Variants in HHIP observed in about 807,000 individuals in gnomAD.
HHIP encodes hedgehog interacting protein, also known as hedgehog-interacting protein.
In HHIP, 12 loss-of-function variants were observed where a neutral mutation model predicts 74.0. That is an observed-to-expected ratio of 0.16 (90% confidence interval 0.10 to 0.26). The LOEUF (loss-of-function observed/expected upper bound fraction) is 0.26. HHIP is among the 10% of genes least tolerant of loss of function. The pLI is 1.00. For missense variants in HHIP, 788 were observed against 845.0 expected (o/e 0.93, Z 0.84); for synonymous variants, 309 against 311.6 (o/e 0.99, Z 0.09).
chr4:144,701,390 T>C (rs1212502872), intron 4 of HHIP, among the ~76,000 whole-genome samples: 2 of 151,952 alleles, frequency 1.3e-5, no homozygotes, highest in Admixed American at 6.6e-5. Context: ...TTAATCTTTG[T>C]GTCAGAAGTT....
At chr4:144,655,268 A>G (rs1728528466) in intron 2 of HHIP, among the ~76,000 whole-genome samples, 1 of 152,182 alleles carries the variant, frequency 6.6e-6, no homozygotes, top group Non-Finnish European at 1.5e-5. Flanking sequence ...CACTTAGGGA[A>G]GTAAATTCTC....
At chr4:144,714,403 C>T in intron 9 of HHIP, 55 bp downstream of exon 9, 4 of 1,573,270 alleles carry the variant, frequency 2.5e-6, no homozygotes, top group Non-Finnish European at 3.5e-6. Context: ...ATCCATTAAT[C>T]ATTTGGCAAA....
Position 144,670,764 on chromosome 4 carries a change from G to GAAAAAAAAAAAAAAAAAAAAAAAAAA in HHIP, c.831+10950_831+10951insAAAAAAAAAAAAAAAAAAAAAAAAAA, listed in dbSNP as rs1167213848. ...GTGAGTGAAAAGATGCTTAAGATTT[G>GAAAAAAAAAAAAAAAAAAAAAAAAAA]AAAAAAAAAAAAAAAAAAAAAAAAG... On this transcript the variant is annotated intron_variant, in intron 4 of 12. Coordinates refer to ENST00000296575, the MANE Select transcript of HHIP (RefSeq NM_022475.3). 5.5e-5 allele frequency among the ~76,000 whole-genome samples: 3 copies of GAAAAAAAAAAAAAAAAAAAAAAAAAA among 54,888 alleles called. 1 individual carries two copies. The highest frequency in any genetic ancestry group is 1.5e-4 in the African/African-American group (2 of 13,554). 36.0% of individuals were successfully genotyped at this position (54,888 alleles called of 152,430 possible). A position where few individuals can be genotyped will look rare whatever the true frequency, so the allele number is the denominator to read the frequency against.
chr4:144,737,343 G>A (rs1731148192), intron 12 of HHIP, among the ~76,000 whole-genome samples: 1 of 152,146 alleles, frequency 6.6e-6, no homozygotes, highest in Non-Finnish European at 1.5e-5. Flanking sequence ...GGAGTTGCTT[G>A]AGCCTCTGTG....
intron 11 of HHIP, 46 bp downstream of exon 11, chr4:144,719,002 C>A: frequency 2.6e-6 from 3 of 1,170,008 alleles, no homozygotes; most frequent in Non-Finnish European, 3.8e-6. Flanking sequence ...TTTCTTCTTC[C>A]AATTATTTTA....
chr4:144,683,515 A>C (rs888961089), intron 4 of HHIP, among the ~76,000 whole-genome samples: 2 of 152,226 alleles, frequency 1.3e-5, no homozygotes, highest in African/African-American at 4.8e-5. Context: ...ATGTAAATTT[A>C]ATTGCATTTA....
intron 4 of HHIP, among the ~76,000 whole-genome samples, chr4:144,701,998 A>T (rs1730000241): frequency 6.6e-6 from 1 of 152,134 alleles, no homozygotes; most frequent in Non-Finnish European, 1.5e-5. Context: ...TTAAAAAAGA[A>T]AAAATAGGGC....
intron 4 of HHIP, among the ~76,000 whole-genome samples, chr4:144,686,870 C>T (rs1296136827): frequency 6.6e-6 from 1 of 151,838 alleles, no homozygotes; most frequent in African/African-American, 2.4e-5. Flanking sequence ...GCAACAGTCA[C>T]AGAGACAAAT....
intron 4 of HHIP, among the ~76,000 whole-genome samples, chr4:144,686,779 G>A (rs115854946): frequency 2.4e-3 from 362 of 152,336 alleles, no homozygotes; most frequent in Non-Finnish European, 4.1e-3. Context: ...GCCATTTGCT[G>A]GCTCAGCTTA....
chr4:144,731,518 C>A (rs1003098740), intron 11 of HHIP, among the ~76,000 whole-genome samples: 3 of 152,126 alleles, frequency 2.0e-5, no homozygotes, highest in Non-Finnish European at 4.4e-5. Flanking sequence ...CTCCTGGGTT[C>A]CAGCAATTCT....
chr4:144,684,858 C>A (rs1729445694), intron 4 of HHIP, among the ~76,000 whole-genome samples: 1 of 152,094 alleles, frequency 6.6e-6, no homozygotes, highest in Non-Finnish European at 1.5e-5. Context: ...GGATTTCCAC[C>A]ACTAATTGGT....
At chr4:144,737,276 A>T (rs1437052690) in intron 12 of HHIP, among the ~76,000 whole-genome samples, 1 of 152,164 alleles carries the variant, frequency 6.6e-6, no homozygotes, top group Admixed American at 6.5e-5. Context: ...GGGAGTTTAT[A>T]TGGTGGATAT....
intron 10 of HHIP, among the ~76,000 whole-genome samples, chr4:144,717,499 A>G (rs1287303108): frequency 2.0e-5 from 3 of 152,172 alleles, no homozygotes; most frequent in Non-Finnish European, 4.4e-5. Flanking sequence ...AGACTAAAGG[A>G]TTTTTCATGG....
intron 4 of HHIP, among the ~76,000 whole-genome samples, chr4:144,660,725 T>C (rs1347713197): frequency 1.3e-5 from 2 of 152,162 alleles, no homozygotes; most frequent in African/African-American, 4.8e-5. Flanking sequence ...GATATATTCC[T>C]GCTATCTATT....
rs1372675664 is a variant in HHIP at position 144,671,840 on chromosome 4, T to C, written c.831+12002T>C. On this transcript the variant is annotated intron_variant, in intron 4 of 12. Coordinates refer to ENST00000296575, the MANE Select transcript of HHIP (RefSeq NM_022475.3). ...TCTACTAAAAATACAAAAAATTAGC[T>C]GAGTGTGGTGATGGGCACCTGTAAT... Among the ~76,000 whole-genome samples the C allele has an allele frequency of 2.0e-5, 3 of 151,926 alleles. No homozygotes were observed. The East Asian group carries it at 5.8e-4, about 29-fold the overall frequency.
chr4:144,699,875 C>T (rs576824502), intron 4 of HHIP, among the ~76,000 whole-genome samples: 10 of 152,148 alleles, frequency 6.6e-5, no homozygotes, highest in African/African-American at 1.2e-4. Context: ...TATTGAAAAG[C>T]GATGCTTCTT....
intron 7 of HHIP, among the ~76,000 whole-genome samples, chr4:144,710,551 TA>T (rs1339876193): frequency 1.3e-5 from 2 of 152,246 alleles, no homozygotes; most frequent in African/African-American, 4.8e-5. Context: ...TTTTTTATTT[TA>T]TTTTTTAAAT....
intron 1 of HHIP, chr4:144,648,719 G>A (rs1368373740): frequency 6.6e-6 from 1 of 152,188 alleles, no homozygotes; most frequent in Non-Finnish European, 1.5e-5. Flanking sequence ...AACTCTTCCA[G>A]AGACATGTGG....
chr4:144,723,096 A>G (rs541575289), intron 11 of HHIP, among the ~76,000 whole-genome samples: 2 of 152,186 alleles, frequency 1.3e-5, no homozygotes, highest in African/African-American at 4.8e-5. Context: ...ACATTTCCAG[A>G]GTTTATGTTT....
Sources: gnomAD v4.1 joint callset for allele counts (sites outside exome capture counted in the v4.1 genomes callset) on GRCh38, gnomAD v4.1.1 for gene constraint, MANE v1.5 for transcripts, NCBI Gene and HGNC (gene_info 2026-07-23, HGNC 2026-07-21) for gene names.